The following LRP1B variants were observed in gnomAD, a reference collection of about 807,000 sequenced individuals.
LRP1B encodes LDL receptor related protein 1B.
LRP1B carries 217 observed loss-of-function variants against 556.6 expected under a neutral mutation model. The observed-to-expected ratio is 0.39, with a 90% CI of 0.35 to 0.44. The LOEUF (loss-of-function observed/expected upper bound fraction) is 0.44. LRP1B is among the 20% of genes least tolerant of loss of function. The pLI is 1.00. For missense variants in LRP1B, 5,053 were observed against 5,620.8 expected (o/e 0.90, Z 3.23); for synonymous variants, 2,047 against 1,865.8 (o/e 1.10, Z -2.50).
intron 1 of LRP1B, among the ~76,000 whole-genome samples, chr2:141,876,016 T>A (rs13393862): frequency 0.16 from 24,041 of 151,936 alleles, 1,985 homozygotes; most frequent in South Asian, 0.19. Context: ...AGAAGTATAC[T>A]TTAGTATTTA....
intron 3 of LRP1B, among the ~76,000 whole-genome samples, chr2:141,349,215 C>A (rs1228510593): frequency 3.3e-5 from 5 of 151,918 alleles, no homozygotes; most frequent in Non-Finnish European, 5.9e-5. Flanking sequence ...AATAACTAAT[C>A]AATAAATATG....
intron 4 of LRP1B, 144 bp downstream of exon 4, chr2:141,254,377 TG>T (rs899840953): frequency 6.8e-6 from 5 of 740,408 alleles, no homozygotes; most frequent in African/African-American, 5.5e-5. Flanking sequence ...ATGTTTTTGT[TG>T]GGGGGGCAAC....
chr2:140,497,123 T>A (rs1484450887), intron 55 of LRP1B, among the ~76,000 whole-genome samples: 1 of 151,968 alleles, frequency 6.6e-6, no homozygotes, highest in Non-Finnish European at 1.5e-5. Flanking sequence ...AATTAAAGGA[T>A]AAATCATTAT....
intron 1 of LRP1B, among the ~76,000 whole-genome samples, chr2:142,056,393 T>C (rs765569768): frequency 3.9e-5 from 6 of 152,086 alleles, no homozygotes; most frequent in Admixed American, 1.3e-4. Flanking sequence ...GTCCTAATTA[T>C]ATGGGGAGTC....
chr2:140,805,027 G>A (rs906940681), intron 32 of LRP1B, among the ~76,000 whole-genome samples: 2 of 152,038 alleles, frequency 1.3e-5, no homozygotes. Flanking sequence ...CTCCCTAAAA[G>A]ACAAATGATG....
At chr2:140,751,430 A>G (rs1688576609) in intron 35 of LRP1B, among the ~76,000 whole-genome samples, 1 of 152,212 alleles carries the variant, frequency 6.6e-6, no homozygotes, top group Non-Finnish European at 1.5e-5. Context: ...AATCCTTGTG[A>G]TGATCATAAC....
intron 3 of LRP1B, among the ~76,000 whole-genome samples, chr2:141,445,093 CT>C (rs1318852650): frequency 6.6e-6 from 1 of 152,154 alleles, no homozygotes; most frequent in East Asian, 1.9e-4. Flanking sequence ...TAATTACTGC[CT>C]CAATTTCAGA....
At chr2:140,543,766 TA>T (rs977074307) in intron 43 of LRP1B, among the ~76,000 whole-genome samples, 1 of 151,878 alleles carries the variant, frequency 6.6e-6, no homozygotes, top group South Asian at 2.1e-4. Context: ...ATCTTCTACA[TA>T]AAAAAACATT....
In LRP1B at chr2:141,890,830, C is replaced by A. The variant is rs149827949; in HGVS notation, c.83-80429G>T. On this transcript the variant is annotated intron_variant, in intron 1 of 90. Coordinates refer to ENST00000389484, the MANE Select transcript of LRP1B (RefSeq NM_018557.3). ...GGGAATCCGTTCAAAAAATACCACA[C>A]CAAGTTTTCCATGAAGCCACTGGTT... 3.3e-3 allele frequency among the ~76,000 whole-genome samples: 504 copies of A among 152,162 alleles called. 2 individuals carry two copies. The highest frequency in any genetic ancestry group is 0.012 in the African/African-American group (481 of 41,542).
At chr2:140,302,798 A>G (rs892827471) in intron 83 of LRP1B, among the ~76,000 whole-genome samples, 4 of 151,914 alleles carry the variant, frequency 2.6e-5, no homozygotes, top group Non-Finnish European at 5.9e-5. Flanking sequence ...AGACTCAAAG[A>G]CTTACACCTG....
At chr2:141,319,236 T>C (rs573342491) in intron 3 of LRP1B, among the ~76,000 whole-genome samples, 1 of 151,720 alleles carries the variant, frequency 6.6e-6, no homozygotes, top group African/African-American at 2.4e-5. Flanking sequence ...TCCTAAAATA[T>C]CTTTACCCTT....
intron 2 of LRP1B, among the ~76,000 whole-genome samples, chr2:141,609,339 T>C (rs1339047926): frequency 6.6e-6 from 1 of 152,176 alleles, no homozygotes; most frequent in Non-Finnish European, 1.5e-5. Flanking sequence ...TCATGGCCTC[T>C]AAAGAAAATA....
In LRP1B at chr2:140,753,416, C is replaced by T. The variant is rs542537719; in HGVS notation, c.5758+15797G>A. Among the ~76,000 whole-genome samples, 168 of 152,178 alleles carry T rather than the reference C, an allele frequency of 1.1e-3. 1 individual carries two copies. Among genetic ancestry groups the T allele is most frequent in the Non-Finnish European group, 1.9e-3 (131 of 68,014 alleles). On this transcript the variant is annotated intron_variant, in intron 35 of 90. Transcript: ENST00000389484. ...GTTACTTGATCTCACATTTCCTATA[C>T]AAATGATATGAAAACACTATTTCAG...
Position 140,444,595 on chromosome 2 carries a change from T to A in LRP1B, c.10142A>T (p.Asp3381Val), listed in dbSNP as rs749775032. The change falls in exon 64 of 91, where the codon GAT becomes GTT. Residue 3381 changes from aspartate to valine, a missense_variant. Asp to Val is a radical substitution (Grantham distance 152). Coordinates refer to ENST00000389484, the MANE Select transcript of LRP1B (RefSeq NM_018557.3). The stretch of plus-strand genomic sequence containing the variant: ...GAGTTCATCAGAATTGTCTCCACAA[T>A]CATTCTCTCCATCACAGATGAAAGC... The part of the protein sequence containing the change: ...LPAFICDGEN[D>V]CGDNSDELNC... 6.2e-7 allele frequency: 1 copy of A among 1,613,990 alleles called. No individual in the cohort carries two copies. The highest frequency in any genetic ancestry group is 8.5e-7 in the Non-Finnish European group (1 of 1,179,916).
chr2:141,350,417 T>C (rs555365994), intron 3 of LRP1B, among the ~76,000 whole-genome samples: 1 of 152,040 alleles, frequency 6.6e-6, no homozygotes, highest in East Asian at 1.9e-4. Flanking sequence ...AAGGGAAGGT[T>C]TGAAAGAAAA....
chr2:141,114,108 C>T (rs536083046), intron 7 of LRP1B, among the ~76,000 whole-genome samples: 3 of 152,316 alleles, frequency 2.0e-5, no homozygotes, highest in African/African-American at 7.2e-5. Context: ...GGGTGTGGCT[C>T]GTTTGCTCGG....
chr2:141,756,345 A>C (rs1391428078), intron 2 of LRP1B, among the ~76,000 whole-genome samples: 1 of 152,148 alleles, frequency 6.6e-6, no homozygotes, highest in Non-Finnish European at 1.5e-5. Flanking sequence ...TTCAAATTAA[A>C]TGATTTGACC....
At chr2:141,184,402 T>G (rs1345245474) in intron 7 of LRP1B, among the ~76,000 whole-genome samples, 5 of 152,044 alleles carry the variant, frequency 3.3e-5, no homozygotes, top group Admixed American at 1.3e-4. Flanking sequence ...TTCTCTGAAG[T>G]AGATCATAAG....
At chr2:141,384,248 C>G (rs568853619) in intron 3 of LRP1B, among the ~76,000 whole-genome samples, 1 of 151,792 alleles carries the variant, frequency 6.6e-6, no homozygotes. Flanking sequence ...AAAAGGAGTA[C>G]TTTAGGCTAA....
Sources: allele counts gnomAD v4.1 joint callset (sites outside exome capture counted in the v4.1 genomes callset), GRCh38; gene constraint gnomAD v4.1.1; transcripts MANE v1.5; gene names NCBI Gene and HGNC (gene_info 2026-07-23, HGNC 2026-07-21).